The following PRICKLE2 variants were observed in gnomAD, a reference collection of about 807,000 sequenced individuals.
PRICKLE2 encodes the protein prickle planar cell polarity protein 2.
In PRICKLE2, 21 loss-of-function variants were observed where a neutral mutation model predicts 81.4. The observed-to-expected ratio is 0.26, with a 90% confidence interval of 0.18 to 0.37. The LOEUF is 0.37. Among genes scored for constraint, PRICKLE2 ranks in the 10% least tolerant of loss-of-function variants. The pLI is 1.00. For missense variants in PRICKLE2, 940 were observed against 1,109.0 expected, an observed-to-expected ratio of 0.85 and a Z score of 2.16; for synonymous variants, 456 against 421.5, an observed-to-expected ratio of 1.08 and a Z score of -1.00.
At chr3:64,210,129 T>A (rs565462356) in intron 1 of PRICKLE2, among the ~76,000 whole-genome samples, 1 of 152,180 alleles carries the variant, frequency 6.6e-6, no homozygotes, top group Admixed American at 6.5e-5. Flanking sequence ...AGATGTGAAA[T>A]TCAGGGGACG....
intron 1 of PRICKLE2, among the ~76,000 whole-genome samples, chr3:64,222,330 C>A (rs987735666): frequency 6.6e-6 from 1 of 152,168 alleles, no homozygotes; most frequent in Non-Finnish European, 1.5e-5. Context: ...CAACCAGGAA[C>A]GACCAACTCC....
intron 2 of PRICKLE2, chr3:64,268,156 G>A (rs1441059142): frequency 6.6e-6 from 1 of 152,358 alleles, no homozygotes; most frequent in Non-Finnish European, 1.5e-5. Flanking sequence ...CAGGTCCTGG[G>A]GAGAGGAGCT....
chr3:64,111,782 G>A (rs757222052), intron 7 of PRICKLE2, among the ~76,000 whole-genome samples: 9 of 152,176 alleles, frequency 5.9e-5, no homozygotes, highest in Non-Finnish European at 1.2e-4. Context: ...GCGGCTGGGA[G>A]GGGGCATGAG....
At chr3:64,117,796 A>T (rs2076960596) in intron 7 of PRICKLE2, among the ~76,000 whole-genome samples, 1 of 152,186 alleles carries the variant, frequency 6.6e-6, no homozygotes, top group Non-Finnish European at 1.5e-5. Flanking sequence ...TTATAGACTC[A>T]ATGCTATTTC....
chr3:64,211,708 G>C (rs1283763353), intron 1 of PRICKLE2, among the ~76,000 whole-genome samples: 1 of 152,196 alleles, frequency 6.6e-6, no homozygotes, highest in Non-Finnish European at 1.5e-5. Context: ...TTAAAACAAA[G>C]AAAGTGGTTG....
At chr3:64,158,639 C>T (rs1187689116) in intron 4 of PRICKLE2, among the ~76,000 whole-genome samples, 4 of 152,186 alleles carry the variant, frequency 2.6e-5, no homozygotes, top group African/African-American at 9.7e-5. Context: ...ACTCAGCTTG[C>T]CTGGTTCCAG....
At chr3:64,218,771 T>C (rs1268986372) in intron 1 of PRICKLE2, among the ~76,000 whole-genome samples, 1 of 152,204 alleles carries the variant, frequency 6.6e-6, no homozygotes, top group Non-Finnish European at 1.5e-5. Context: ...CTGAATTTAG[T>C]CAAATTTTCT....
chr3:64,244,144 T>C (rs1448846818), intron 2 of PRICKLE2, among the ~76,000 whole-genome samples: 1 of 152,196 alleles, frequency 6.6e-6, no homozygotes, highest in Non-Finnish European at 1.5e-5. Flanking sequence ...GCAACCCTTA[T>C]AGCATTTGGG....
intron 2 of PRICKLE2, among the ~76,000 whole-genome samples, chr3:64,198,314 G>T (rs532637925): frequency 2.6e-5 from 4 of 152,094 alleles, no homozygotes; most frequent in Non-Finnish European, 5.9e-5. Context: ...TGGACATAGA[G>T]AAGATGTCCT....
intron 7 of PRICKLE2, among the ~76,000 whole-genome samples, chr3:64,119,473 TC>T (rs1392228985): frequency 1.3e-5 from 2 of 152,156 alleles, no homozygotes; most frequent in African/African-American, 4.8e-5. Context: ...ACGTCACTAA[TC>T]ATCACAGAAA....
chr3:64,202,168 T>C (rs900438732), intron 1 of PRICKLE2, among the ~76,000 whole-genome samples: 1 of 152,190 alleles, frequency 6.6e-6, no homozygotes. Context: ...ATGAAGTATA[T>C]ATGAGTCAAG....
chr3:64,119,280 A>G (rs2076989394), intron 7 of PRICKLE2, among the ~76,000 whole-genome samples: 1 of 152,222 alleles, frequency 6.6e-6, no homozygotes, highest in Non-Finnish European at 1.5e-5. Flanking sequence ...TAGGCTTAAT[A>G]GCTGGGTGAT....
chr3:64,209,464 A>G (rs973307160), intron 1 of PRICKLE2, among the ~76,000 whole-genome samples: 2 of 152,010 alleles, frequency 1.3e-5, no homozygotes, highest in Admixed American at 6.6e-5. Context: ...CTACCCATCC[A>G]TTCATATCCA....
At chr3:64,241,434 A>C (rs2079263613) in intron 2 of PRICKLE2, among the ~76,000 whole-genome samples, 1 of 152,212 alleles carries the variant, frequency 6.6e-6, no homozygotes, top group African/African-American at 2.4e-5. Flanking sequence ...TATTGACATA[A>C]ATGCATGTGT....
intron 2 of PRICKLE2, 66 bp from the exon 3 acceptor site, chr3:64,163,195 T>C: frequency 2.1e-6 from 2 of 946,484 alleles, no homozygotes; most frequent in Non-Finnish European, 3.5e-6. Flanking sequence ...TCCCACTTAC[T>C]GGGAAGATGA....
intron 7 of PRICKLE2, chr3:64,104,787 GCTCA>G (rs2076728334): frequency 6.6e-6 from 1 of 152,164 alleles, no homozygotes; most frequent in Non-Finnish European, 1.5e-5. Flanking sequence ...AATACTACCT[GCTCA>G]CTCTAGAGAG....
At chr3:64,212,801 T>TCAAA (rs372787128) in intron 1 of PRICKLE2, among the ~76,000 whole-genome samples, 3 of 152,034 alleles carry the variant, frequency 2.0e-5, no homozygotes, top group Admixed American at 6.5e-5. Context: ...GGATACAAAG[T>TCAAA]CAAACAAACA....
At chr3:64,132,706 G>C (rs1054125851) in intron 7 of PRICKLE2, among the ~76,000 whole-genome samples, 8 of 152,144 alleles carry the variant, frequency 5.3e-5, no homozygotes, top group Admixed American at 2.0e-4. Context: ...TCAAACTCTG[G>C]TATAGAGAAT....
At chr3:64,214,436 T>A (rs2078840576) in intron 1 of PRICKLE2, among the ~76,000 whole-genome samples, 1 of 152,140 alleles carries the variant, frequency 6.6e-6, no homozygotes, top group African/African-American at 2.4e-5. Context: ...CTGGCTTTAG[T>A]CAAGTCCGAA....
Sources: gnomAD v4.1 joint callset for allele counts (sites outside exome capture counted in the v4.1 genomes callset) on GRCh38, gnomAD v4.1.1 for gene constraint, MANE v1.5 for transcripts, NCBI Gene and HGNC (gene_info 2026-07-23, HGNC 2026-07-21) for gene names.